The following SEZ6L variants were observed in gnomAD, a reference collection of about 807,000 sequenced individuals.
SEZ6L encodes the protein seizure related 6 homolog like.
A neutral mutation model predicts 106.2 loss-of-function variants in SEZ6L; 37 were observed. The observed-to-expected ratio is 0.35, with a 90% CI of 0.27 to 0.46. The LOEUF (loss-of-function observed/expected upper bound fraction) is 0.46. SEZ6L is among the 20% of genes least tolerant of loss of function. The pLI is 1.00. For synonymous variants in SEZ6L, 541 were observed against 570.4 expected, an observed-to-expected ratio of 0.95 and a Z score of 0.73; for missense variants, 1,172 against 1,332.8, an observed-to-expected ratio of 0.88 and a Z score of 1.88.
chr22:26,368,286 C>A (rs546800960), intron 13 of SEZ6L, among the ~76,000 whole-genome samples: 70 of 152,274 alleles, frequency 4.6e-4, no homozygotes, highest in Non-Finnish European at 7.9e-4. Context: ...GGTATTTAAG[C>A]AAACCCTGTC....
At chr22:26,293,611 G>A (rs544733962) in intron 2 of SEZ6L, among the ~76,000 whole-genome samples, 21 of 152,292 alleles carry the variant, frequency 1.4e-4, no homozygotes, top group Non-Finnish European at 2.4e-4. Flanking sequence ...ACAGGCATGA[G>A]CCAGGACACT....
intron 13 of SEZ6L, among the ~76,000 whole-genome samples, chr22:26,373,120 G>A (rs1407639712): frequency 1.3e-5 from 2 of 152,200 alleles, no homozygotes; most frequent in African/African-American, 4.8e-5. Context: ...GATGATAATA[G>A]CATTGACCTA....
At chr22:26,315,092 A>G (rs1159640197) in intron 9 of SEZ6L, among the ~76,000 whole-genome samples, 3 of 152,256 alleles carry the variant, frequency 2.0e-5, no homozygotes, top group East Asian at 1.9e-4. Flanking sequence ...CAGCACTCAC[A>G]GTTCTCTGGC....
chr22:26,380,288 C>T lies in SEZ6L; in HGVS notation c.3068C>T (p.Ser1023Phe). The T allele has an allele frequency of 6.2e-7, 1 of 1,613,608 alleles. No homozygotes were observed. Among genetic ancestry groups the T allele is most frequent in the East Asian group, 2.2e-5 (1 of 44,878 alleles). ...ETGETREYEVSI is the reference protein window; with the variant it reads ...ETGETREYEVFI ...CAGGAAACCAGAGAGTATGAGGTTTCTATCTAAAGAGAGCTACACTTGAGA... is the reference window on the plus strand; with the variant it reads ...CAGGAAACCAGAGAGTATGAGGTTTTTATCTAAAGAGAGCTACACTTGAGA... The change falls in exon 17 of 17, where the codon TCT becomes TTT. Residue 1023 changes from serine (S) to phenylalanine (F), a missense_variant. Physicochemically the swap from Ser to Phe is radical, Grantham distance 155. Coordinates refer to ENST00000248933, the MANE Select transcript of SEZ6L (RefSeq NM_021115.5).
chr22:26,175,615 A>T (rs1418878777), intron 1 of SEZ6L, among the ~76,000 whole-genome samples: 1 of 152,158 alleles, frequency 6.6e-6, no homozygotes, highest in Non-Finnish European at 1.5e-5. Context: ...TATTCTTTCC[A>T]GTTGAGGAAA....
At chr22:26,374,762 G>A (rs1357955003) in intron 14 of SEZ6L, among the ~76,000 whole-genome samples, 3 of 152,198 alleles carry the variant, frequency 2.0e-5, no homozygotes, top group Non-Finnish European at 4.4e-5. Context: ...TTTCTAGAAG[G>A]AATGTAGGAT....
chr22:26,365,459 C>A lies in SEZ6L; in HGVS notation c.2687C>A (p.Ser896Tyr), dbSNP rs774175245. ...LYKRLYLPGE[S>Y]LTFMCYEGFE... The stretch of plus-strand genomic sequence containing the variant: ...AAGCGACTCTACCTGCCAGGAGAGT[C>A]CCTCACCTTCATGTGCTACGAAGGC... Residue 896 changes from serine (S) to tyrosine (Y), a missense_variant, in exon 13 of 17, where the codon TCC becomes TAC. By Grantham distance (144) the Ser-to-Tyr change is moderately radical. Coordinates refer to ENST00000248933, the MANE Select transcript of SEZ6L (RefSeq NM_021115.5). 1.9e-6 allele frequency: 3 copies of A among 1,614,050 alleles called. No individual in the cohort carries two copies. Among genetic ancestry groups the A allele is most frequent in the Non-Finnish European group, 2.5e-6 (3 of 1,180,016 alleles).
At chr22:26,231,458 G>A (rs577855831) in intron 1 of SEZ6L, among the ~76,000 whole-genome samples, 15 of 152,262 alleles carry the variant, frequency 9.9e-5, no homozygotes, top group African/African-American at 3.6e-4. Context: ...ACCTCAGCTT[G>A]ATTCTCAATA....
intron 1 of SEZ6L, 75 bp downstream of exon 1, chr22:26,169,838 A>C: frequency 4.3e-6 from 3 of 701,006 alleles, no homozygotes; most frequent in Non-Finnish European, 4.0e-6. Flanking sequence ...GTCGGGGCTG[A>C]CCAGGGCGAC....
chr22:26,351,184 C>T lies in SEZ6L; in HGVS notation c.2540C>T (p.Thr847Ile), dbSNP rs758073650. ...GTGCTTGAAGGGAGTTCTCTTCTGA[C>T]CTGCTACAGCCGTGAAACAGGGACT... ...GFVLEGSSLL[T>I]CYSRETGTPI... is the part of the protein sequence containing the mutation. Residue 847 changes from threonine (T) to isoleucine (I), a missense_variant, in exon 12 of 17, where the codon ACC becomes ATC. Thr to Ile is a moderately conservative substitution (Grantham distance 89, BLOSUM62 -1). Transcript: ENST00000248933. 6.2e-7 allele frequency: 1 copy of T among 1,614,232 alleles called. No homozygotes were observed. The highest frequency in any genetic ancestry group is 1.1e-5 in the South Asian group (1 of 91,088).
Position 26,282,816 on chromosome 22 carries a change from G to C in SEZ6L, c.95-9590G>C, listed in dbSNP as rs145898694. On this transcript the variant is annotated intron_variant, in intron 1 of 16. Coordinates refer to ENST00000248933, the MANE Select transcript of SEZ6L (RefSeq NM_021115.5). Reference sequence around the variant, plus strand: ...TGAAGAGCAGCAGCACTCTCAAATAGAGTTGGTGGCAGGGTAAATAGGTTC... The same window carrying C: ...TGAAGAGCAGCAGCACTCTCAAATACAGTTGGTGGCAGGGTAAATAGGTTC... Among the ~76,000 whole-genome samples, 294 of 152,338 alleles carry C rather than the reference G, an allele frequency of 1.9e-3. 1 individual carries two copies. Among genetic ancestry groups the C allele is most frequent in the Middle Eastern group, 0.01 (3 of 294 alleles).
chr22:26,238,822 A>G (rs1240521863), intron 1 of SEZ6L, among the ~76,000 whole-genome samples: 1 of 152,220 alleles, frequency 6.6e-6, no homozygotes, highest in Non-Finnish European at 1.5e-5. Context: ...AGTTCCTTCC[A>G]ACTTAAACCC....
At chr22:26,247,346 T>A (rs2079391489) in intron 1 of SEZ6L, among the ~76,000 whole-genome samples, 1 of 152,194 alleles carries the variant, frequency 6.6e-6, no homozygotes, top group African/African-American at 2.4e-5. Flanking sequence ...CCCAAATTCA[T>A]GTCTGCCGAA....
At chr22:26,218,866 AG>A (rs1350510707) in intron 1 of SEZ6L, among the ~76,000 whole-genome samples, 1 of 152,124 alleles carries the variant, frequency 6.6e-6, no homozygotes, top group African/African-American at 2.4e-5. Flanking sequence ...TGAACCCAGG[AG>A]GTGGAGGTTG....
chr22:26,364,707 C>T (rs987128786), intron 12 of SEZ6L: 1 of 152,286 alleles, frequency 6.6e-6, no homozygotes, highest in African/African-American at 2.4e-5. Flanking sequence ...CTCTGATAGG[C>T]TCATCTCCAA....
At chr22:26,170,714 C>T (rs1202176534) in intron 1 of SEZ6L, among the ~76,000 whole-genome samples, 4 of 152,174 alleles carry the variant, frequency 2.6e-5, no homozygotes, top group Admixed American at 2.0e-4. Flanking sequence ...TTTTCTCAGG[C>T]ACCTAGGAGA....
chr22:26,269,064 T>C lies in SEZ6L; in HGVS notation c.95-23342T>C, dbSNP rs557072339. 1.2e-4 allele frequency among the ~76,000 whole-genome samples: 19 copies of C among 152,290 alleles called. 1 individual carries two copies. In the East Asian group the frequency reaches 3.7e-3, roughly 29 times the overall value. ...TGACTGTGCACTTGACATGAAAAGGTGCTTAAAAGTCACATGATTAACTGT... is the reference window on the plus strand; with the variant it reads ...TGACTGTGCACTTGACATGAAAAGGCGCTTAAAAGTCACATGATTAACTGT... On this transcript the variant is annotated intron_variant, in intron 1 of 16. Transcript: ENST00000248933.
chr22:26,226,549 C>T (rs1019861441), intron 1 of SEZ6L, among the ~76,000 whole-genome samples: 1 of 152,162 alleles, frequency 6.6e-6, no homozygotes, highest in Non-Finnish European at 1.5e-5. Flanking sequence ...AGTAAATACA[C>T]CTTTGTGGGT....
At chr22:26,176,714 T>C (rs973891629) in intron 1 of SEZ6L, among the ~76,000 whole-genome samples, 4 of 152,252 alleles carry the variant, frequency 2.6e-5, no homozygotes, top group Non-Finnish European at 5.9e-5. Flanking sequence ...GACTCGTCAA[T>C]ATATGTGCAT....
Sources: gnomAD v4.1 joint callset for allele counts (sites outside exome capture counted in the v4.1 genomes callset) on GRCh38, gnomAD v4.1.1 for gene constraint, MANE v1.5 for transcripts, NCBI Gene and HGNC (gene_info 2026-07-23, HGNC 2026-07-21) for gene names.